SPRY3: variants seen among roughly 807,000 people sequenced by gnomAD.
SPRY3 encodes protein sprouty homolog 3.
SPRY3 carries 15 observed loss-of-function variants against 20.2 expected under a neutral mutation model. The observed-to-expected ratio is 0.74, with a 90% CI of 0.50 to 1.14. The LOEUF is 1.14. Among genes scored for constraint, SPRY3 ranks in the 50% most tolerant of loss-of-function variants. The probability of loss-of-function intolerance (pLI) is 0.00; values close to 1 mark genes in which losing one functional copy is unlikely to be tolerated. For missense variants in SPRY3, 364 were observed against 363.9 expected (o/e 1.00, Z 0.00); for synonymous variants, 143 against 136.5 (o/e 1.05, Z -0.33).
At chrX:155,748,677 C>G (rs1041371256) in intron 2 of SPRY3, among the ~76,000 whole-genome samples, 26 of 151,742 alleles carry the variant, frequency 1.7e-4, no homozygotes, top group African/African-American at 6.3e-4. Context: ...GGCCAAAGAA[C>G]AGGGCAATAC....
chrX:155,727,532 CTTTA>C (rs2091106668), intron 2 of SPRY3, among the ~76,000 whole-genome samples: 1 of 152,104 alleles, frequency 6.6e-6, no homozygotes, highest in Admixed American at 6.6e-5. Flanking sequence ...TGTCTTCTCA[CTTTA>C]TTTCATTAAT....
At chrX:155,613,730 G>A (rs1004713621) in intron 1 of SPRY3, among the ~76,000 whole-genome samples, 1 of 111,324 alleles carries the variant, frequency 9.0e-6, no homozygotes, top group African/African-American at 3.3e-5. Context: ...ACGGCTACTC[G>A]TTATTTTTGA....
intron 2 of SPRY3, among the ~76,000 whole-genome samples, chrX:155,708,363 G>C (rs2090964781): frequency 6.6e-6 from 1 of 151,294 alleles, no homozygotes; most frequent in Admixed American, 6.6e-5. Flanking sequence ...GGCCTCCATT[G>C]ATTCTGATGA....
chrX:155,745,028 A>G (rs1167189274), intron 2 of SPRY3, among the ~76,000 whole-genome samples: 1 of 152,098 alleles, frequency 6.6e-6, no homozygotes, highest in East Asian at 1.9e-4. Context: ...TAAGGAACAT[A>G]GAAGCATCTT....
At chrX:155,755,435 G>T (rs953334269) in intron 2 of SPRY3, among the ~76,000 whole-genome samples, 5 of 151,986 alleles carry the variant, frequency 3.3e-5, no homozygotes, top group African/African-American at 9.7e-5. Context: ...GAGGGTATGG[G>T]CTCTGGAGTT....
intron 3 of SPRY3, among the ~76,000 whole-genome samples, chrX:155,772,498 C>T (rs1423911627): frequency 1.3e-5 from 2 of 152,122 alleles, no homozygotes; most frequent in Non-Finnish European, 2.9e-5. Flanking sequence ...GGCCTGAAAT[C>T]TGATGGATCT....
rs1380115940 is a variant in SPRY3, at chrX:155,677,883, T to C, written c.-282+20858T>C. Among the ~76,000 whole-genome samples the C allele has an allele frequency of 2.7e-5, 3 of 111,506 alleles. No individual in the cohort carries two copies. In the East Asian group the frequency reaches 8.5e-4, roughly 31 times the overall value. ...TTATCTATTTTCCTGGCCAACACTT[T>C]GATGAAATAGTCTTTCACTACCCCC... On this transcript the variant is annotated intron_variant, in intron 2 of 3. Coordinates refer to ENST00000675360, the Ensembl canonical transcript of SPRY3.
At chrX:155,666,820 C>T (rs1410884630) in intron 2 of SPRY3, among the ~76,000 whole-genome samples, 1 of 110,183 alleles carries the variant, frequency 9.1e-6, no homozygotes, top group African/African-American at 3.3e-5. Flanking sequence ...TACTTAGGAG[C>T]TAATGGAAGT....
At chrX:155,714,906 G>A (rs1037872761) in intron 2 of SPRY3, among the ~76,000 whole-genome samples, 7 of 151,896 alleles carry the variant, frequency 4.6e-5, no homozygotes, top group African/African-American at 9.7e-5. Context: ...CAATGTTTGC[G>A]TAAAGCCTAA....
At chrX:155,705,235 G>C (rs1200611344) in intron 2 of SPRY3, among the ~76,000 whole-genome samples, 1 of 151,452 alleles carries the variant, frequency 6.6e-6, no homozygotes, top group East Asian at 1.9e-4. Context: ...ACAATGGATG[G>C]GAGGGAGCAA....
intron 2 of SPRY3, among the ~76,000 whole-genome samples, chrX:155,665,419 T>A (rs2068021713): frequency 9.0e-6 from 1 of 111,129 alleles, no homozygotes; most frequent in East Asian, 2.8e-4. Context: ...TGCAAACGAT[T>A]TGAATAGATA....
intron 2 of SPRY3, among the ~76,000 whole-genome samples, chrX:155,759,420 CAT>C (rs1487806326): frequency 2.3e-4 from 35 of 152,126 alleles, no homozygotes; most frequent in African/African-American, 8.0e-4. Context: ...TTCCAAAACA[CAT>C]GTCACCCTTT....
intron 2 of SPRY3, among the ~76,000 whole-genome samples, chrX:155,700,174 G>A (rs2068132039): frequency 9.2e-6 from 1 of 108,745 alleles, no homozygotes; most frequent in Non-Finnish European, 1.9e-5. Context: ...TAAACAAATG[G>A]CCAATAAGCA....
At chrX:155,686,054 G>A (rs985230500) in intron 2 of SPRY3, among the ~76,000 whole-genome samples, 2 of 111,773 alleles carry the variant, frequency 1.8e-5, no homozygotes, top group Non-Finnish European at 3.8e-5. Context: ...GATTATAGGC[G>A]TGCACCACTG....
At chrX:155,726,256 G>A (rs1477151835) in intron 2 of SPRY3, among the ~76,000 whole-genome samples, 1 of 152,102 alleles carries the variant, frequency 6.6e-6, no homozygotes, top group African/African-American at 2.4e-5. Flanking sequence ...GTCAATTTTA[G>A]AATAACTGCG....
At chrX:155,685,702 T>G (rs1201264320) in intron 2 of SPRY3, among the ~76,000 whole-genome samples, 2 of 111,728 alleles carry the variant, frequency 1.8e-5, no homozygotes. Flanking sequence ...GCTAAGGTAA[T>G]GACCTCCAGC....
intron 2 of SPRY3, among the ~76,000 whole-genome samples, chrX:155,665,136 A>C (rs1157501668): frequency 1.8e-5 from 2 of 110,582 alleles, no homozygotes; most frequent in African/African-American, 3.3e-5. Flanking sequence ...ACTAGTAAAC[A>C]TGTTAAAAGA....
At chrX:155,661,515 G>T (rs891235418) in intron 2 of SPRY3, among the ~76,000 whole-genome samples, 2 of 111,523 alleles carry the variant, frequency 1.8e-5, no homozygotes, top group African/African-American at 6.5e-5. Flanking sequence ...CTTGGTGAAG[G>T]TCATCCTGTA....
At chrX:155,770,423 G>A (rs2091373620) in intron 3 of SPRY3, among the ~76,000 whole-genome samples, 1 of 151,974 alleles carries the variant, frequency 6.6e-6, no homozygotes, top group Admixed American at 6.6e-5. Flanking sequence ...TTTTTTTCAG[G>A]TTGAACATGG....
Sources: gnomAD v4.1 joint callset for allele counts (sites outside exome capture counted in the v4.1 genomes callset) on GRCh38, gnomAD v4.1.1 for gene constraint, MANE v1.5 for transcripts, NCBI Gene and HGNC (gene_info 2026-07-23, HGNC 2026-07-21) for gene names.